The following RBFOX1 variants were observed in gnomAD, a reference collection of about 807,000 sequenced individuals.
RBFOX1 encodes RNA binding protein fox-1 homolog 1.
Under a neutral mutation model 57.7 loss-of-function variants are expected in RBFOX1, and 8 were observed. That is an observed-to-expected ratio of 0.14 (90% confidence interval 0.08 to 0.25). RBFOX1 has a LOEUF of 0.25. RBFOX1 is among the 10% of genes least tolerant of loss of function. RBFOX1 has a pLI of 1.00. For synonymous variants in RBFOX1, 326 were observed against 222.4 expected (o/e 1.47, Z -4.15); for missense variants, 611 against 548.5 (o/e 1.11, Z -1.14).
intron 1 of RBFOX1, among the ~76,000 whole-genome samples, chr16:6,159,299 A>G (rs2096860541): frequency 6.7e-6 from 1 of 150,240 alleles, no homozygotes; most frequent in African/African-American, 2.5e-5. Context: ...TTGGTCTTGA[A>G]CTCCTGACCT....
chr16:5,501,702 G>A (rs2043203658), intron 2 of RBFOX1, among the ~76,000 whole-genome samples: 1 of 152,068 alleles, frequency 6.6e-6, no homozygotes, highest in Non-Finnish European at 1.5e-5. Context: ...CCCAGTGAAT[G>A]TTAATCTGAT....
chr16:6,204,493 C>T (rs573772012), intron 1 of RBFOX1, among the ~76,000 whole-genome samples: 6 of 152,216 alleles, frequency 3.9e-5, no homozygotes, highest in Admixed American at 2.6e-4. Context: ...AAATCCATCC[C>T]ACCAACAAAA....
chr16:7,348,064 A>G (rs544450059), intron 4 of RBFOX1, among the ~76,000 whole-genome samples: 7 of 152,256 alleles, frequency 4.6e-5, no homozygotes, highest in Non-Finnish European at 1.0e-4. Flanking sequence ...CTTCTGTTTA[A>G]CAGAAAATTC....
intron 2 of RBFOX1, among the ~76,000 whole-genome samples, chr16:6,564,533 G>A (rs549731292): frequency 5.3e-5 from 8 of 152,252 alleles, no homozygotes; most frequent in Admixed American, 1.3e-4. Context: ...TGCTAAGTGA[G>A]ATAAGCCAGG....
At chr16:7,612,519 T>C (rs1297163128) in intron 10 of RBFOX1, among the ~76,000 whole-genome samples, 2 of 151,724 alleles carry the variant, frequency 1.3e-5, no homozygotes, top group African/African-American at 2.4e-5. Flanking sequence ...TAGTTAAAAA[T>C]AGTGTTTCCA....
intron 4 of RBFOX1, among the ~76,000 whole-genome samples, chr16:7,228,802 G>T (rs182206170): frequency 6.6e-6 from 1 of 152,172 alleles, no homozygotes; most frequent in African/African-American, 2.4e-5. Flanking sequence ...GGGGAAAATG[G>T]ATTAAAAACA....
chr16:5,839,734 G>A (rs557352474), intron 3 of RBFOX1, among the ~76,000 whole-genome samples: 1 of 151,606 alleles, frequency 6.6e-6, no homozygotes, highest in South Asian at 2.1e-4. Flanking sequence ...GGCTGCCATT[G>A]CTCCAGGCAT....
chr16:7,034,390 T>A (rs1171679381), intron 3 of RBFOX1, among the ~76,000 whole-genome samples: 2 of 152,008 alleles, frequency 1.3e-5, no homozygotes, highest in Non-Finnish European at 2.9e-5. Flanking sequence ...AGGTTGGAGA[T>A]CATCAATGCA....
intron 4 of RBFOX1, among the ~76,000 whole-genome samples, chr16:7,401,481 A>C (rs1239511073): frequency 6.6e-6 from 1 of 152,210 alleles, no homozygotes. Flanking sequence ...AAATATGTTG[A>C]TAGACCCTCA....
rs569565651 is a variant in RBFOX1, at chr16:6,380,077, G to A, written c.-64+63020G>A. ...GTAGGCTTTATGGCGGGGATTTGAA[G>A]AGAGTAGCATTTATTTTCTCCTCTG... On this transcript the variant is annotated intron_variant, in intron 2 of 15. Transcript: ENST00000550418. 3.3e-5 allele frequency among the ~76,000 whole-genome samples: 5 copies of A among 152,268 alleles called. No individual in the cohort carries two copies. The East Asian group carries it at 7.7e-4, about 23-fold the overall frequency.
intron 3 of RBFOX1, among the ~76,000 whole-genome samples, chr16:7,024,206 C>T (rs990513005): frequency 2.6e-5 from 4 of 152,082 alleles, no homozygotes; most frequent in African/African-American, 9.7e-5. Flanking sequence ...TTACAAATTG[C>T]ACCTTAATTT....
intron 4 of RBFOX1, among the ~76,000 whole-genome samples, chr16:7,186,001 A>G (rs770375165): frequency 2.0e-5 from 3 of 152,148 alleles, no homozygotes; most frequent in South Asian, 2.1e-4. Flanking sequence ...GCACTTTAGT[A>G]TAGATCAAAG....
At chr16:7,204,933 G>A (rs1430350624) in intron 4 of RBFOX1, among the ~76,000 whole-genome samples, 1 of 152,144 alleles carries the variant, frequency 6.6e-6, no homozygotes, top group African/African-American at 2.4e-5. Flanking sequence ...CTGGGACTAT[G>A]CACTTCAACT....
chr16:6,318,587 TG>T (rs2152780114), intron 2 of RBFOX1, among the ~76,000 whole-genome samples: 1 of 152,224 alleles, frequency 6.6e-6, no homozygotes, highest in African/African-American at 2.4e-5. Flanking sequence ...TGATTGAAAT[TG>T]CTGCTTCTCT....
chr16:6,929,440 G>A (rs1313849550), intron 3 of RBFOX1, among the ~76,000 whole-genome samples: 1 of 152,086 alleles, frequency 6.6e-6, no homozygotes, highest in African/African-American at 2.4e-5. Context: ...GCAGTTCCCT[G>A]GTATATATCA....
chr16:6,709,788 C>T (rs762398838), intron 3 of RBFOX1, among the ~76,000 whole-genome samples: 14 of 152,126 alleles, frequency 9.2e-5, no homozygotes, highest in African/African-American at 2.6e-4. Flanking sequence ...GGAGATACTG[C>T]GGCAAGTATC....
chr16:6,986,724 G>T (rs546506359), intron 3 of RBFOX1, among the ~76,000 whole-genome samples: 2 of 151,734 alleles, frequency 1.3e-5, no homozygotes, highest in South Asian at 2.1e-4. Flanking sequence ...TTCTTGATGG[G>T]TATCTTTTCG....
At chr16:7,424,317 T>G (rs894761441) in intron 4 of RBFOX1, among the ~76,000 whole-genome samples, 2 of 152,166 alleles carry the variant, frequency 1.3e-5, no homozygotes. Context: ...TGGAGTGCAG[T>G]GATGCAATCT....
At chr16:6,539,602 A>G (rs569906576) in intron 2 of RBFOX1, among the ~76,000 whole-genome samples, 159 of 152,168 alleles carry the variant, frequency 1.0e-3, no homozygotes, top group Non-Finnish European at 1.7e-3. Context: ...GTTCAAGACC[A>G]GCCTGCCCTA....
Sources: gnomAD v4.1 joint callset for allele counts (sites outside exome capture counted in the v4.1 genomes callset) on GRCh38, gnomAD v4.1.1 for gene constraint, MANE v1.5 for transcripts, NCBI Gene and HGNC (gene_info 2026-07-23, HGNC 2026-07-21) for gene names.